The following AKAP12 variants were observed in gnomAD, a reference collection of about 807,000 sequenced individuals.
AKAP12 encodes A-kinase anchor protein 12.
In AKAP12, 32 loss-of-function variants were observed where a neutral mutation model predicts 79.9. The ratio of observed to expected loss-of-function variants is 0.40; its 90% CI spans 0.30 to 0.54. AKAP12 has a LOEUF of 0.54. AKAP12 is among the 20% of genes least tolerant of loss of function. The pLI, the probability that AKAP12 is intolerant of heterozygous loss-of-function variation, is 0.48. For missense variants in AKAP12, 2,074 were observed against 2,177.0 expected (o/e 0.95, Z 0.94); for synonymous variants, 808 against 857.0 (o/e 0.94, Z 1.00).
chr6:151,289,436 A>G (rs1776569157), intron 2 of AKAP12, among the ~76,000 whole-genome samples: 1 of 152,226 alleles, frequency 6.6e-6, no homozygotes, highest in Non-Finnish European at 1.5e-5. Context: ...CAGAAGTATG[A>G]AAAAATAGAT....
At chr6:151,242,053 G>A (rs1796987529) in intron 2 of AKAP12, among the ~76,000 whole-genome samples, 1 of 152,154 alleles carries the variant, frequency 6.6e-6, no homozygotes, top group African/African-American at 2.4e-5. Context: ...CTGGCCTGAG[G>A]AATGTACTGT....
At position 151,352,820 on chromosome 6, in the gene AKAP12, C is replaced by T; in HGVS notation, c.4429C>T (p.Pro1477Ser). Residue 1477 changes from proline (P) to serine (S), a missense_variant, in exon 4 of 5, where the codon CCC becomes TCC. Pro to Ser is a moderately conservative substitution (Grantham distance 74). Transcript: ENST00000402676. ...AGGGGAAGATGCTGTGCCCACAGGG[C>T]CCGACTGTCAGGCAAAATCGACACC... is the stretch of plus-strand genomic sequence containing the variant. ...HPGEDAVPTG[P>S]DCQAKSTPVI... is the part of the protein sequence containing the mutation. The T allele has an allele frequency of 6.2e-7, 1 of 1,614,182 alleles. No homozygotes were observed. The highest frequency in any genetic ancestry group is 8.5e-7 in the Non-Finnish European group (1 of 1,180,034).
intron 2 of AKAP12, among the ~76,000 whole-genome samples, chr6:151,246,749 T>A (rs977247405): frequency 6.6e-6 from 1 of 152,196 alleles, no homozygotes; most frequent in East Asian, 1.9e-4. Flanking sequence ...TCATTTTCAT[T>A]TAACTTTAAT....
At chr6:151,264,745 A>G (rs1243137601) in intron 2 of AKAP12, among the ~76,000 whole-genome samples, 2 of 152,114 alleles carry the variant, frequency 1.3e-5, no homozygotes, top group Non-Finnish European at 2.9e-5. Flanking sequence ...TTTAGGTAAT[A>G]TATCTGTAAT....
chr6:151,270,968 A>T (rs995142275), intron 2 of AKAP12, among the ~76,000 whole-genome samples: 8 of 152,200 alleles, frequency 5.3e-5, no homozygotes, highest in African/African-American at 1.9e-4. Flanking sequence ...CAGTTCTTAG[A>T]GTTCTAATTT....
chr6:151,354,658 C>A (rs1778401106), intron 4 of AKAP12, among the ~76,000 whole-genome samples: 1 of 152,102 alleles, frequency 6.6e-6, no homozygotes, highest in Non-Finnish European at 1.5e-5. Context: ...AGGTGTGAGC[C>A]ACCACGCCCA....
chr6:151,273,511 G>A (rs984886389), intron 2 of AKAP12, among the ~76,000 whole-genome samples: 6 of 152,036 alleles, frequency 3.9e-5, no homozygotes, highest in African/African-American at 1.4e-4. Flanking sequence ...TCTCCATCTG[G>A]CATTCTTCCA....
At chr6:151,264,436 C>T (rs1052871372) in intron 2 of AKAP12, among the ~76,000 whole-genome samples, 2 of 150,192 alleles carry the variant, frequency 1.3e-5, no homozygotes, top group Non-Finnish European at 3.0e-5. Context: ...TTTGGGAGGC[C>T]GAGGTGGGTG....
chr6:151,291,559 A>G (rs12195473), intron 2 of AKAP12, among the ~76,000 whole-genome samples: 39,608 of 152,132 alleles, frequency 0.26, 6,652 homozygotes, highest in Non-Finnish European at 0.39. Flanking sequence ...AAGCAGCAGC[A>G]GGGCTGGATT....
intron 3 of AKAP12, among the ~76,000 whole-genome samples, chr6:151,306,161 G>A (rs1776974057): frequency 6.6e-6 from 1 of 152,182 alleles, no homozygotes; most frequent in Non-Finnish European, 1.5e-5. Flanking sequence ...CTTGTCTGGA[G>A]TTGAATGTGA....
intron 3 of AKAP12, among the ~76,000 whole-genome samples, chr6:151,318,194 C>T (rs1051900912): frequency 1.3e-5 from 2 of 152,200 alleles, no homozygotes; most frequent in Non-Finnish European, 2.9e-5. Context: ...GAGCAGTCTG[C>T]AGTCCAGAAG....
At chr6:151,309,182 G>A (rs1047804202) in intron 3 of AKAP12, among the ~76,000 whole-genome samples, 1 of 152,116 alleles carries the variant, frequency 6.6e-6, no homozygotes, top group Admixed American at 6.5e-5. Context: ...GCTCGCTCAT[G>A]ATTAGGCTTT....
At chr6:151,333,517 G>A (rs1211736378) in intron 3 of AKAP12, among the ~76,000 whole-genome samples, 1 of 152,122 alleles carries the variant, frequency 6.6e-6, no homozygotes, top group Non-Finnish European at 1.5e-5. Flanking sequence ...TTGGGAGGCC[G>A]ACATGAGCGG....
intron 2 of AKAP12, among the ~76,000 whole-genome samples, chr6:151,245,877 G>A (rs1797065113): frequency 6.6e-6 from 1 of 152,060 alleles, no homozygotes. Flanking sequence ...TCATGCACAT[G>A]AAAGTAGATA....
intron 2 of AKAP12, among the ~76,000 whole-genome samples, chr6:151,287,669 A>T (rs752442863): frequency 2.0e-5 from 3 of 152,196 alleles, no homozygotes; most frequent in Non-Finnish European, 4.4e-5. Flanking sequence ...TTCCTCAAGG[A>T]TCTAGAACCA....
At chr6:151,348,250 C>G in intron 3 of AKAP12, 5 of 410,074 alleles carry the variant, frequency 1.2e-5, no homozygotes, top group South Asian at 9.2e-5. Context: ...TCACTTGAAC[C>G]TAGGACAGAG....
At chr6:151,322,123 T>G (rs1162821693) in intron 3 of AKAP12, among the ~76,000 whole-genome samples, 1 of 152,008 alleles carries the variant, frequency 6.6e-6, no homozygotes, top group African/African-American at 2.4e-5. Context: ...TTGGCCAGGC[T>G]GGTCTCGAAC....
intron 2 of AKAP12, among the ~76,000 whole-genome samples, chr6:151,256,419 A>G (rs911542192): frequency 6.6e-6 from 1 of 152,170 alleles, no homozygotes; most frequent in Admixed American, 6.5e-5. Context: ...GAGAATTTTG[A>G]ACAGTAGGGT....
At chr6:151,342,520 C>T (rs939240802) in intron 3 of AKAP12, among the ~76,000 whole-genome samples, 1 of 152,082 alleles carries the variant, frequency 6.6e-6, no homozygotes, top group Non-Finnish European at 1.5e-5. Flanking sequence ...AGTAGATTGC[C>T]CCAGCACAGA....
Sources: gnomAD v4.1 joint callset for allele counts (sites outside exome capture counted in the v4.1 genomes callset) on GRCh38, gnomAD v4.1.1 for gene constraint, MANE v1.5 for transcripts, NCBI Gene and HGNC (gene_info 2026-07-23, HGNC 2026-07-21) for gene names.